GNG2: variants seen among roughly 807,000 people sequenced by gnomAD.
GNG2 encodes guanine nucleotide-binding protein G(I)/G(S)/G(O) subunit gamma-2.
In GNG2, 5 loss-of-function variants were observed where a neutral mutation model predicts 5.5. That is an observed-to-expected ratio of 0.91 (90% confidence interval 0.48 to 1.92). The LOEUF (loss-of-function observed/expected upper bound fraction) is 1.92. GNG2 is among the 30% of genes most tolerant of loss of function. The probability of loss-of-function intolerance (pLI) is 0.01; values close to 1 mark genes in which losing one functional copy is unlikely to be tolerated. For missense variants in GNG2, 55 were observed against 88.4 expected (o/e 0.62, Z 1.52); for synonymous variants, 28 against 32.0 (o/e 0.88, Z 0.42).
chr14:51,872,202 C>A (rs375838028), intron 1 of GNG2, among the ~76,000 whole-genome samples: 3 of 152,160 alleles, frequency 2.0e-5, no homozygotes, highest in East Asian at 3.9e-4. Context: ...TATAACCTAG[C>A]CTATATGGAT....
At chr14:51,853,357 A>C (rs1454024921) in intron 2 of GNG2, among the ~76,000 whole-genome samples, 3 of 152,144 alleles carry the variant, frequency 2.0e-5, no homozygotes, top group Non-Finnish European at 4.4e-5. Context: ...ACACATTCAC[A>C]AGCCATAGTT....
chr14:51,841,795 G>T (rs1386883196), intron 2 of GNG2, among the ~76,000 whole-genome samples: 1 of 152,168 alleles, frequency 6.6e-6, no homozygotes, highest in South Asian at 2.1e-4. Context: ...GGGGCCATAC[G>T]ATGACAACTG....
chr14:51,860,541 G>T (rs1162425256), upstream of GNG2: 4 of 152,656 alleles, frequency 2.6e-5, no homozygotes, highest in Non-Finnish European at 5.9e-5. Context: ...CTACCAAGAA[G>T]AGGAGGAAGT....
At chr14:51,874,424 C>CA (rs71121671) in intron 1 of GNG2, among the ~76,000 whole-genome samples, 32,988 of 95,438 alleles carry the variant, frequency 0.35, 5,542 homozygotes, top group Non-Finnish European at 0.43. Context: ...GACTCTGTCT[C>CA]AAAAAAAAAA....
chr14:51,907,287 T>C lies in GNG2; in HGVS notation c.-30+29630T>C, dbSNP rs1311071859. 2.6e-5 allele frequency among the ~76,000 whole-genome samples: 4 copies of C among 152,298 alleles called. No individual in the cohort carries two copies. In the East Asian group the frequency reaches 7.7e-4, roughly 29 times the overall value. On this transcript the variant is annotated intron_variant, in intron 2 of 3. Transcript: ENST00000556766. ...AAGTGCTGATTCATTCAGACATTTT[T>C]TAGTTATATAAAAATACATGTACAA... is the stretch of plus-strand genomic sequence containing the variant.
chr14:51,882,814 C>T (rs1884177336), intron 2 of GNG2, among the ~76,000 whole-genome samples: 1 of 151,832 alleles, frequency 6.6e-6, no homozygotes, highest in African/African-American at 2.4e-5. Context: ...TCGGGACCAT[C>T]CTGGCTAACA....
chr14:51,965,373 T>A (rs1889834479), intron 3 of GNG2, among the ~76,000 whole-genome samples: 1 of 152,170 alleles, frequency 6.6e-6, no homozygotes, highest in Admixed American at 6.5e-5. Context: ...TGACCCCAAA[T>A]GGCATTCCCC....
At chr14:51,934,491 C>A (rs1350559295) in intron 2 of GNG2, among the ~76,000 whole-genome samples, 4 of 152,160 alleles carry the variant, frequency 2.6e-5, no homozygotes, top group Non-Finnish European at 5.9e-5. Context: ...GCCTCTTGAA[C>A]TGGCACAAAG....
intron 2 of GNG2, among the ~76,000 whole-genome samples, chr14:51,898,724 G>T (rs189036364): frequency 2.6e-4 from 40 of 152,308 alleles, no homozygotes; most frequent in African/African-American, 6.0e-4. Context: ...CTGAGATGAG[G>T]AATGTCTCTG....
chr14:51,930,056 A>T (rs776312626), intron 2 of GNG2, among the ~76,000 whole-genome samples: 1 of 152,216 alleles, frequency 6.6e-6, no homozygotes, highest in East Asian at 1.9e-4. Context: ...TGGCCCATTC[A>T]TGTTAGCCTC....
At chr14:51,860,834 A>G (rs1416588034) in intron 1 of GNG2, 44 bp downstream of exon 1, 1 of 152,022 alleles carries the variant, frequency 6.6e-6, no homozygotes, top group Non-Finnish European at 1.5e-5. Context: ...AATTGAGAAA[A>G]ACGACCGTCG....
chr14:51,859,507 A>T (rs572233601), upstream of GNG2, among the ~76,000 whole-genome samples: 1 of 152,338 alleles, frequency 6.6e-6, no homozygotes, highest in East Asian at 1.9e-4. Flanking sequence ...AAGAGTTAAT[A>T]TGTGCCGAAT....
chr14:51,856,623 G>A (rs1033253986), upstream of GNG2, among the ~76,000 whole-genome samples: 3 of 152,142 alleles, frequency 2.0e-5, no homozygotes, highest in Non-Finnish European at 4.4e-5. Context: ...AGTAGAGATG[G>A]GGTTTCACTG....
chr14:51,917,076 A>C (rs1312600986), intron 2 of GNG2, among the ~76,000 whole-genome samples: 2 of 152,158 alleles, frequency 1.3e-5, no homozygotes, highest in African/African-American at 4.8e-5. Flanking sequence ...CTGTGGCTAG[A>C]GGGGAGGATG....
At chr14:51,965,725 T>A (rs1272172323) in intron 3 of GNG2, among the ~76,000 whole-genome samples, 1 of 152,136 alleles carries the variant, frequency 6.6e-6, no homozygotes, top group East Asian at 1.9e-4. Flanking sequence ...AAAAGGGAAA[T>A]TGACATGGTT....
At chr14:51,859,332 G>C (rs1254767653), upstream of GNG2, among the ~76,000 whole-genome samples, 1 of 152,154 alleles carries the variant, frequency 6.6e-6, no homozygotes, top group East Asian at 1.9e-4. Flanking sequence ...TTAGTACTAG[G>C]GGGAGAATGA....
chr14:51,828,151 G>A (rs866239539), intron 2 of GNG2, among the ~76,000 whole-genome samples: 27 of 152,336 alleles, frequency 1.8e-4, no homozygotes, highest in South Asian at 1.2e-3. Context: ...CCCCAGGGGA[G>A]CTGAGTCACT....
intron 2 of GNG2, 23 bp from the exon 3 acceptor site, chr14:51,950,627 C>G (rs45501792): frequency 0.02 from 28,303 of 1,388,696 alleles, 1,414 homozygotes; most frequent in East Asian, 0.11. Context: ...CTGGTACAAT[C>G]TTCTTTTTGT....
At chr14:51,834,836 G>A (rs1042919133) in intron 2 of GNG2, among the ~76,000 whole-genome samples, 1 of 152,126 alleles carries the variant, frequency 6.6e-6, no homozygotes, top group African/African-American at 2.4e-5. Context: ...CATTCCCTTC[G>A]GGGCATTCGA....
Sources: allele counts gnomAD v4.1 joint callset (sites outside exome capture counted in the v4.1 genomes callset), GRCh38; gene constraint gnomAD v4.1.1; transcripts MANE v1.5; gene names NCBI Gene and HGNC (gene_info 2026-07-23, HGNC 2026-07-21).